The following ZMYM4 variants were observed in gnomAD, a reference collection of about 807,000 sequenced individuals.
The protein encoded by ZMYM4 is zinc finger MYM-type containing 4.
A neutral mutation model predicts 183.2 loss-of-function variants in ZMYM4; 31 were observed. The ratio of observed to expected loss-of-function variants is 0.17; its 90% CI spans 0.13 to 0.23. The LOEUF is 0.23. ZMYM4 is among the 10% of genes least tolerant of loss of function. ZMYM4 has a pLI of 1.00. For synonymous variants in ZMYM4, 592 were observed against 631.2 expected, an observed-to-expected ratio of 0.94 and a Z score of 0.93; for missense variants, 1,273 against 1,840.3, an observed-to-expected ratio of 0.69 and a Z score of 5.64.
intron 1 of ZMYM4, among the ~76,000 whole-genome samples, chr1:35,280,179 C>T (rs763903117): frequency 7.0e-6 from 1 of 142,412 alleles, no homozygotes; most frequent in South Asian, 2.2e-4. Flanking sequence ...TCCCTTCCCC[C>T]CTTCCCTTCC....
At chr1:35,399,372 C>G in intron 22 of ZMYM4, 110 bp from the exon 23 acceptor site, 1 of 1,021,160 alleles carries the variant, frequency 9.8e-7, no homozygotes, top group Non-Finnish European at 1.4e-6. Flanking sequence ...TTATCACAAA[C>G]AAACTAATGA....
At chr1:35,404,689 C>T (rs911435908) in intron 23 of ZMYM4, among the ~76,000 whole-genome samples, 8 of 152,078 alleles carry the variant, frequency 5.3e-5, no homozygotes, top group Non-Finnish European at 8.8e-5. Flanking sequence ...AGAATATGAT[C>T]TGTTTACATG....
At position 35,419,519 on chromosome 1, in the gene ZMYM4, C is replaced by A. The variant is rs1205184401; in HGVS notation, c.4489C>A (p.Arg1497Ser). 1 of 1,613,614 alleles carries A rather than the reference C, an allele frequency of 6.2e-7. No individual in the cohort carries two copies. The highest frequency in any genetic ancestry group is 2.2e-5 in the East Asian group (1 of 44,886). Reference protein sequence around the residue: ...RNDVFYLQPERSCVPNSPMWY... With the variant: ...RNDVFYLQPESSCVPNSPMWY... ...TGATGTGTTTTACCTTCAACCTGAG[C>A]GCTCCTGTGTCCCGAATAGCCCCAT... The change falls in exon 30 of 30, where the codon CGC becomes AGC. Residue 1497 changes from arginine to serine, a missense_variant. Arg to Ser is a moderately radical substitution (Grantham distance 110). This residue lies in a region of ZMYM4 where 145 missense variants were observed against 331.6 expected (regional missense o/e 0.44). Coordinates refer to ENST00000314607, the MANE Select transcript of ZMYM4 (RefSeq NM_005095.3).
intron 22 of ZMYM4, 36 bp from the exon 23 acceptor site, chr1:35,399,446 T>C (rs775461121): frequency 3.8e-6 from 6 of 1,580,316 alleles, no homozygotes; most frequent in Middle Eastern, 1.7e-4. Flanking sequence ...TTGTGAGTTA[T>C]TTACCTCATG....
intron 5 of ZMYM4, among the ~76,000 whole-genome samples, chr1:35,366,816 C>G (rs1235448706): frequency 6.6e-6 from 1 of 152,070 alleles, no homozygotes; most frequent in African/African-American, 2.4e-5. Flanking sequence ...GAGTTCAAGA[C>G]CAGCCTGGCC....
intron 2 of ZMYM4, among the ~76,000 whole-genome samples, chr1:35,343,484 C>G (rs965689300): frequency 6.6e-6 from 1 of 152,040 alleles, no homozygotes; most frequent in African/African-American, 2.4e-5. Context: ...GTTTTTGAGT[C>G]TATTTTTGGA....
chr1:35,397,705 G>A (rs976005311), intron 20 of ZMYM4, among the ~76,000 whole-genome samples, 160 bp downstream of exon 20: 1 of 152,128 alleles, frequency 6.6e-6, no homozygotes, highest in Non-Finnish European at 1.5e-5. Flanking sequence ...GCTTCTGAAA[G>A]CTCTTATTGT....
chr1:35,358,749 C>T (rs576735732), intron 2 of ZMYM4, 176 bp from the exon 3 acceptor site: 45 of 529,920 alleles, frequency 8.5e-5, no homozygotes, highest in South Asian at 8.4e-5. Context: ...GTTTCCTTAA[C>T]TGTCAGATAG....
At chr1:35,276,158 A>C (rs754436718) in intron 1 of ZMYM4, among the ~76,000 whole-genome samples, 1 of 152,136 alleles carries the variant, frequency 6.6e-6, no homozygotes, top group Non-Finnish European at 1.5e-5. Flanking sequence ...TGTCTTACAA[A>C]TGTATTTTAA....
intron 1 of ZMYM4, among the ~76,000 whole-genome samples, chr1:35,288,407 A>G (rs1378813708): frequency 6.6e-6 from 1 of 152,196 alleles, no homozygotes; most frequent in Non-Finnish European, 1.5e-5. Context: ...GGCGAAAGGC[A>G]GCTTGCCTTA....
rs137923497 is a variant in ZMYM4 at position 35,401,493 on chromosome 1, T to C, written c.3528+1917T>C. Among the ~76,000 whole-genome samples the C allele has an allele frequency of 8.5e-5, 13 of 152,354 alleles. 2 individuals carry two copies. Among genetic ancestry groups the C allele is most frequent in the African/African-American group, 2.6e-4 (11 of 41,588 alleles). Reference sequence around the variant, plus strand: ...TTCATTTTTTTGTTGGGTTGGTTGTTATCTTGCTGAGTTGTAAGTATTCTT... The same window carrying C: ...TTCATTTTTTTGTTGGGTTGGTTGTCATCTTGCTGAGTTGTAAGTATTCTT... On this transcript the variant is annotated intron_variant, in intron 23 of 29. Transcript: ENST00000314607.
chr1:35,321,865 A>G (rs968705865), intron 1 of ZMYM4, among the ~76,000 whole-genome samples: 1 of 152,044 alleles, frequency 6.6e-6, no homozygotes, highest in Non-Finnish European at 1.5e-5. Context: ...TTTTTAACCT[A>G]GTGATCCCAC....
chr1:35,342,085 C>T lies in ZMYM4; in HGVS notation c.85+16680C>T, dbSNP rs910711186. ...CTGAATTCACTTTCTTTAATAGATA[C>T]AGCATTTAAAGAATTTTATATTTCA... On this transcript the variant is annotated intron_variant, in intron 2 of 29. Transcript: ENST00000314607. Among the ~76,000 whole-genome samples the T allele has an allele frequency of 2.6e-5, 4 of 152,190 alleles. No homozygotes were observed. In the East Asian group the frequency reaches 5.8e-4, roughly 22 times the overall value.
chr1:35,386,420 C>G (rs146442137), intron 11 of ZMYM4, among the ~76,000 whole-genome samples: 1 of 152,152 alleles, frequency 6.6e-6, no homozygotes, highest in African/African-American at 2.4e-5. Flanking sequence ...ATGATGGGCT[C>G]AAGAGGAAGA....
chr1:35,407,074 C>T (rs530662121), intron 25 of ZMYM4, among the ~76,000 whole-genome samples: 1 of 152,204 alleles, frequency 6.6e-6, no homozygotes, highest in South Asian at 2.1e-4. Flanking sequence ...CTAGCATTTC[C>T]AAAGGCAAGA....
intron 5 of ZMYM4, among the ~76,000 whole-genome samples, chr1:35,369,105 C>G (rs900396403): frequency 1.3e-5 from 2 of 152,098 alleles, no homozygotes; most frequent in East Asian, 3.9e-4. Flanking sequence ...GCCGACAACT[C>G]CCCATCACAA....
rs1640255384 is a variant in ZMYM4 at position 35,419,605 on chromosome 1, C to T, written c.4575C>T (p.Leu1525=). 6.2e-7 allele frequency: 1 copy of T among 1,614,044 alleles called. No homozygotes were observed. The change falls in exon 30 of 30, where the codon CTC becomes CTT. Residue 1525 remains leucine, a synonymous_variant. Transcript: ENST00000314607. ...TGGACACCATGTTAACACGTATTCT[C>T]ATGGTGAGGGAGGTACATGAAGAAC... The part of the protein sequence containing the change: ...GTLDTMLTRI[L]MVREVHEELA...
intron 1 of ZMYM4, among the ~76,000 whole-genome samples, chr1:35,316,884 G>T (rs1642067806): frequency 6.6e-6 from 1 of 152,108 alleles, no homozygotes; most frequent in South Asian, 2.1e-4. Flanking sequence ...CACTTTGGGA[G>T]GCTGAGGCGG....
chr1:35,420,665 C>A lies in ZMYM4; in HGVS notation c.*988C>A, dbSNP rs977830122. 5.9e-5 allele frequency: 9 copies of A among 152,562 alleles called. No homozygotes were observed. The highest frequency in any genetic ancestry group is 1.5e-5 in the Non-Finnish European group (1 of 68,038). 9.5% of individuals were successfully genotyped at this position (152,562 alleles called of 1,614,324 possible). On this transcript the variant is annotated 3_prime_UTR_variant, in exon 30 of 30. Coordinates refer to ENST00000314607, the MANE Select transcript of ZMYM4 (RefSeq NM_005095.3). ...TGCACCAGTTTCTGGAGGCCCTTGTCATTTCAAAAAGGATAGTCTCTTTTC... is the reference window on the plus strand; with the variant it reads ...TGCACCAGTTTCTGGAGGCCCTTGTAATTTCAAAAAGGATAGTCTCTTTTC...
Sources: allele counts gnomAD v4.1 joint callset (sites outside exome capture counted in the v4.1 genomes callset), GRCh38; gene constraint gnomAD v4.1.1; regional missense constraint gnomAD v4.1.1; transcripts MANE v1.5; gene names NCBI Gene and HGNC (gene_info 2026-07-23, HGNC 2026-07-21).